Variants in ZMYM2 observed in about 807,000 individuals in gnomAD.
ZMYM2 encodes the protein zinc finger MYM-type containing 2, also known as zinc finger MYM-type protein 2.
A neutral mutation model predicts 162.8 loss-of-function variants in ZMYM2; 56 were observed. The ratio of observed to expected loss-of-function variants is 0.34; its 90% CI spans 0.28 to 0.43. The LOEUF (loss-of-function observed/expected upper bound fraction) is 0.43, where lower values mean the gene tolerates loss of function less well. ZMYM2 is among the 20% of genes least tolerant of loss of function. The pLI is 1.00. For missense variants in ZMYM2, 1,275 were observed against 1,621.8 expected (o/e 0.79, Z 3.67); for synonymous variants, 510 against 541.6 (o/e 0.94, Z 0.81).
chr13:19,910,005 G>T, the ZMYM2 span, among the ~76,000 whole-genome samples: 2 of 150,968 alleles, frequency 1.3e-5, no homozygotes, highest in Non-Finnish European at 2.9e-5. Flanking sequence ...CACGAGGTCA[G>T]GAGATCGAGA....
At chr13:20,042,535 A>G (rs1177308989) in intron 12 of ZMYM2, among the ~76,000 whole-genome samples, 2 of 151,624 alleles carry the variant, frequency 1.3e-5, no homozygotes, top group African/African-American at 2.4e-5. Flanking sequence ...TCTGAATTCT[A>G]TTTCTGTTAT....
intron 2 of ZMYM2, among the ~76,000 whole-genome samples, chr13:19,961,186 C>T (rs1955172174): frequency 6.6e-6 from 1 of 151,630 alleles, no homozygotes; most frequent in African/African-American, 2.4e-5. Flanking sequence ...ACTGAACCTC[C>T]ATGTACCCAT....
chr13:19,923,621 G>A, the ZMYM2 span, among the ~76,000 whole-genome samples: 1 of 142,674 alleles, frequency 7.0e-6, no homozygotes, highest in African/African-American at 2.6e-5. Flanking sequence ...AACTTCCTAA[G>A]TAGTCAGGAT....
chr13:20,067,472 C>A, intron 21 of ZMYM2, 82 bp downstream of exon 21: 1 of 1,344,232 alleles, frequency 7.4e-7, no homozygotes. Flanking sequence ...CATTATGGAA[C>A]CTTTATTGAC....
intron 2 of ZMYM2, among the ~76,000 whole-genome samples, chr13:19,988,425 A>G (rs1416999352): frequency 6.6e-6 from 1 of 152,170 alleles, no homozygotes; most frequent in African/African-American, 2.4e-5. Flanking sequence ...TTCCTCAAAT[A>G]TTTGGGACAA....
the ZMYM2 span, among the ~76,000 whole-genome samples, chr13:19,879,172 T>C: frequency 6.6e-6 from 1 of 152,226 alleles, no homozygotes; most frequent in Admixed American, 6.5e-5. Flanking sequence ...GTGTGTATTA[T>C]AAGGTAAGAG....
intron 2 of ZMYM2, among the ~76,000 whole-genome samples, chr13:19,961,247 T>C (rs927321044): frequency 6.6e-6 from 1 of 152,172 alleles, no homozygotes; most frequent in African/African-American, 2.4e-5. Flanking sequence ...TTTTAACATG[T>C]GTTAAGTAAT....
At chr13:19,869,816 A>T in the ZMYM2 span, among the ~76,000 whole-genome samples, 24 of 152,264 alleles carry the variant, frequency 1.6e-4, no homozygotes, top group South Asian at 1.0e-3. Flanking sequence ...AATAAATAAA[A>T]AAGAATAATT....
Position 19,993,280 on chromosome 13 carries a change from C to G in ZMYM2, c.208C>G (p.Pro70Ala). 1 of 1,613,930 alleles carries G rather than the reference C, an allele frequency of 6.2e-7. No homozygotes were observed. The highest frequency in any genetic ancestry group is 8.5e-7 in the Non-Finnish European group (1 of 1,179,876). ...VVFIEPVQPPPPSVPVVADQR... is the reference protein window; with the variant it reads ...VVFIEPVQPPAPSVPVVADQR... ...TTTTATCGAACCTGTACAACCTCCC[C>G]CACCTTCTGTACCAGTGGTAGCTGA... The change falls in exon 3 of 25, where the codon CCA (proline) becomes GCA (alanine). Residue 70 changes from proline to alanine, a missense_variant. Physicochemically the swap from Pro to Ala is conservative, Grantham distance 27. Coordinates refer to ENST00000610343, the MANE Select transcript of ZMYM2 (RefSeq NM_197968.4).
chr13:20,023,500 A>G (rs1279250112), intron 7 of ZMYM2, among the ~76,000 whole-genome samples: 3 of 152,208 alleles, frequency 2.0e-5, no homozygotes, highest in Non-Finnish European at 4.4e-5. Context: ...ATTAAAATAT[A>G]AGGTACATCT....
chr13:20,017,959 ATTTT>A (rs1039815336), intron 6 of ZMYM2, among the ~76,000 whole-genome samples: 8 of 152,060 alleles, frequency 5.3e-5, no homozygotes, highest in Admixed American at 5.2e-4. Flanking sequence ...ATGATAAATG[ATTTT>A]TTTATTTGAA....
the ZMYM2 span, among the ~76,000 whole-genome samples, chr13:19,899,611 T>A: frequency 6.7e-6 from 1 of 150,080 alleles, no homozygotes; most frequent in Non-Finnish European, 1.5e-5. Flanking sequence ...AGGTCAGGAG[T>A]TTGTGACCAG....
intron 3 of ZMYM2, among the ~76,000 whole-genome samples, chr13:20,000,934 T>C (rs1342249910): frequency 6.6e-6 from 1 of 152,246 alleles, no homozygotes; most frequent in Non-Finnish European, 1.5e-5. Context: ...AGTGCCCTTA[T>C]GAACATTTGT....
At chr13:19,959,235 C>G (rs1157716754) in intron 1 of ZMYM2, among the ~76,000 whole-genome samples, 1 of 147,714 alleles carries the variant, frequency 6.8e-6, no homozygotes, top group Non-Finnish European at 1.5e-5. Flanking sequence ...GGTCGCGGGG[C>G]ATTTTCCTTT....
At chr13:19,954,777 A>G (rs1006583539), upstream of ZMYM2, among the ~76,000 whole-genome samples, 2 of 152,000 alleles carry the variant, frequency 1.3e-5, no homozygotes, top group African/African-American at 2.4e-5. Flanking sequence ...TTTCATAGAA[A>G]ATTTTCTTCA....
the ZMYM2 span, among the ~76,000 whole-genome samples, chr13:19,874,938 A>G: frequency 1.5e-4 from 23 of 152,334 alleles, no homozygotes; most frequent in Admixed American, 1.3e-3. Context: ...GAGGCTATGG[A>G]AAAAAGGGAA....
intron 12 of ZMYM2, among the ~76,000 whole-genome samples, chr13:20,048,228 A>T (rs1415390458): frequency 6.6e-6 from 1 of 151,976 alleles, no homozygotes; most frequent in Non-Finnish European, 1.5e-5. Context: ...AGTATGATTT[A>T]TGGGCTTTAA....
intron 4 of ZMYM2, 125 bp from the exon 5 acceptor site, chr13:20,004,949 T>C: frequency 1.5e-6 from 1 of 659,006 alleles, no homozygotes; most frequent in Middle Eastern, 4.4e-4. Flanking sequence ...AAAAATGATT[T>C]ATTAGATCCA....
At chr13:19,985,335 G>A (rs1481187296) in intron 2 of ZMYM2, among the ~76,000 whole-genome samples, 3 of 152,188 alleles carry the variant, frequency 2.0e-5, no homozygotes, top group East Asian at 1.9e-4. Flanking sequence ...AGTCACCAGG[G>A]CTGGTCTCTA....
Sources: allele counts gnomAD v4.1 joint callset (sites outside exome capture counted in the v4.1 genomes callset), GRCh38; gene constraint gnomAD v4.1.1; transcripts MANE v1.5; gene names NCBI Gene and HGNC (gene_info 2026-07-23, HGNC 2026-07-21).